The following ZFYVE28 variants were observed in gnomAD, a reference collection of about 807,000 sequenced individuals.
ZFYVE28 encodes lateral signaling target protein 2 homolog.
ZFYVE28 carries 40 observed loss-of-function variants against 82.1 expected under a neutral mutation model. The observed-to-expected ratio is 0.49, with a 90% CI of 0.38 to 0.63. ZFYVE28 has a LOEUF of 0.63. ZFYVE28 is among the 30% of genes least tolerant of loss of function. ZFYVE28 has a pLI of 0.00. For synonymous variants in ZFYVE28, 612 were observed against 546.1 expected (o/e 1.12, Z -1.68); for missense variants, 1,321 against 1,242.1 (o/e 1.06, Z -0.96).
rs1732200501 is a variant in ZFYVE28, at chr4:2,408,791, C to T, written c.39+9494G>A. On this transcript the variant is annotated intron_variant, in intron 1 of 12. Coordinates refer to ENST00000290974, the MANE Select transcript of ZFYVE28 (RefSeq NM_020972.3). The surrounding 1 kb of genome is among the most constrained non-coding windows in gnomAD (Gnocchi z 4.3). ...GTGAGTCCTGCCCATATAAGCCCCA[C>T]CTAGATGAAGCCACGCCCAGGTGAG... 6.6e-6 allele frequency among the ~76,000 whole-genome samples: 1 copy of T among 152,152 alleles called. No individual in the cohort carries two copies. Among genetic ancestry groups the T allele is most frequent in the African/African-American group, 2.4e-5 (1 of 41,414 alleles).
chr4:2,340,990 A>C (rs1247426962), intron 3 of ZFYVE28, among the ~76,000 whole-genome samples: 1 of 150,642 alleles, frequency 6.6e-6, no homozygotes, highest in Middle Eastern at 3.2e-3. Flanking sequence ...CCTGGGGGAG[A>C]CTGTTCCCGC....
intron 1 of ZFYVE28, chr4:2,364,496 G>C: frequency 1.0e-6 from 1 of 985,510 alleles, no homozygotes; most frequent in African/African-American, 1.7e-5. Context: ...CCAGAGGGTG[G>C]CTGTGCCTGT....
At chr4:2,402,140 C>T (rs559545435) in intron 1 of ZFYVE28, among the ~76,000 whole-genome samples, 62 of 152,316 alleles carry the variant, frequency 4.1e-4, no homozygotes, top group Admixed American at 4.6e-4. Flanking sequence ...CAGCTGGGTC[C>T]CCAGTGAGCA....
At chr4:2,359,944 C>G (rs929026799) in intron 1 of ZFYVE28, among the ~76,000 whole-genome samples, 3 of 152,198 alleles carry the variant, frequency 2.0e-5, no homozygotes, top group Admixed American at 6.5e-5. Context: ...CCTGGGGACC[C>G]CCATCCACCT....
intron 1 of ZFYVE28, among the ~76,000 whole-genome samples, chr4:2,390,957 C>G (rs867159117): frequency 6.6e-6 from 1 of 152,228 alleles, no homozygotes; most frequent in Non-Finnish European, 1.5e-5. Flanking sequence ...GAAATCCTGT[C>G]CTCTGGCTGC....
chr4:2,301,937 T>C (rs1715606625), intron 8 of ZFYVE28, among the ~76,000 whole-genome samples: 1 of 152,178 alleles, frequency 6.6e-6, no homozygotes, highest in African/African-American at 2.4e-5. Context: ...GTGGCACGTC[T>C]GTGACAGGAA....
chr4:2,294,196 G>C (rs765733225), intron 8 of ZFYVE28, among the ~76,000 whole-genome samples: 23 of 151,698 alleles, frequency 1.5e-4, no homozygotes, highest in Admixed American at 2.6e-4. Context: ...TTCCAACTAA[G>C]GCTTATTATA....
At chr4:2,307,385 T>C (rs1462905452) in intron 7 of ZFYVE28, among the ~76,000 whole-genome samples, 1 of 152,204 alleles carries the variant, frequency 6.6e-6, no homozygotes, top group Non-Finnish European at 1.5e-5. Context: ...TTTAATAAAG[T>C]CCAATTATAA....
At chr4:2,387,536 G>C (rs1394140920) in intron 1 of ZFYVE28, among the ~76,000 whole-genome samples, 5 of 152,252 alleles carry the variant, frequency 3.3e-5, no homozygotes. Flanking sequence ...GGGGCCAGGA[G>C]CAGTGCTGCC....
intron 1 of ZFYVE28, among the ~76,000 whole-genome samples, chr4:2,387,056 T>TCCAGGGCCAGGGCCGGGGCCGGGG (rs761181680): frequency 6.6e-6 from 1 of 151,924 alleles, no homozygotes; most frequent in African/African-American, 2.4e-5. Flanking sequence ...TGCAGGAGAC[T>TCCAGGGCCAGGGCCGGGGCCGGGG]CCGGGGCCGG....
chr4:2,359,736 C>A (rs1468292292), intron 1 of ZFYVE28, among the ~76,000 whole-genome samples: 1 of 152,206 alleles, frequency 6.6e-6, no homozygotes, highest in Non-Finnish European at 1.5e-5. Context: ...GTGTGGAAGG[C>A]CCAGAAGCAG....
chr4:2,331,567 T>TG (rs1257511081), intron 6 of ZFYVE28, among the ~76,000 whole-genome samples: 1 of 152,084 alleles, frequency 6.6e-6, no homozygotes, highest in Non-Finnish European at 1.5e-5. Context: ...AAAACCAGTT[T>TG]GTCAAAGAGT....
chr4:2,405,427 G>A (rs746128249), intron 1 of ZFYVE28, among the ~76,000 whole-genome samples: 1 of 152,260 alleles, frequency 6.6e-6, no homozygotes, highest in Non-Finnish European at 1.5e-5. Context: ...GCTGTGGGAG[G>A]CTGCAGATCG....
rs375347341 is a variant in ZFYVE28, at chr4:2,372,811, C to G, written c.40-18738G>C. Among the ~76,000 whole-genome samples the G allele has an allele frequency of 1.3e-3, 204 of 152,266 alleles. 2 individuals are homozygous for G. The highest frequency in any genetic ancestry group is 4.8e-3 in the African/African-American group (199 of 41,564). On this transcript the variant is annotated intron_variant, in intron 1 of 12. Transcript: ENST00000290974. The surrounding 1 kb of genome is among the most constrained non-coding windows in gnomAD (Gnocchi z 5.2). ...CAAGGATGCTGCACACCCCTAAGAC[C>G]TAGCCTCCCCGAGGCCTCTCCCCAT...
chr4:2,278,637 C>T (rs1484616170), intron 8 of ZFYVE28, among the ~76,000 whole-genome samples: 1 of 151,702 alleles, frequency 6.6e-6, no homozygotes, highest in African/African-American at 2.4e-5. Context: ...CTTCATAGGA[C>T]ACCACCAAGA....
At chr4:2,393,591 T>C (rs2108926942) in intron 1 of ZFYVE28, among the ~76,000 whole-genome samples, 1 of 152,322 alleles carries the variant, frequency 6.6e-6, no homozygotes, top group Non-Finnish European at 1.5e-5. Context: ...GGCAGCCACA[T>C]GTAGCCCTGA....
At chr4:2,397,307 T>C (rs1255133225) in intron 1 of ZFYVE28, among the ~76,000 whole-genome samples, 1 of 151,738 alleles carries the variant, frequency 6.6e-6, no homozygotes, top group Non-Finnish European at 1.5e-5. Context: ...TGAAACCCCA[T>C]CTCTACTAAA....
At chr4:2,278,709 T>C (rs1372778047) in intron 8 of ZFYVE28, among the ~76,000 whole-genome samples, 2 of 147,188 alleles carry the variant, frequency 1.4e-5, no homozygotes, top group African/African-American at 2.5e-5. Flanking sequence ...GGACATAGTA[T>C]CTGCAATATA....
At chr4:2,287,281 C>T (rs962472910) in intron 8 of ZFYVE28, 5 of 152,298 alleles carry the variant, frequency 3.3e-5, no homozygotes, top group Admixed American at 6.5e-5. Flanking sequence ...CTCTCACCCG[C>T]TGGGCGACCC....
Sources: gnomAD v4.1 joint callset for allele counts (sites outside exome capture counted in the v4.1 genomes callset) on GRCh38, gnomAD v4.1.1 for gene constraint, Gnocchi (gnomAD v3.1) non-coding constraint, MANE v1.5 for transcripts, NCBI Gene and HGNC (gene_info 2026-07-23, HGNC 2026-07-21) for gene names.